USP15: variants seen among roughly 807,000 people sequenced by gnomAD.
USP15 encodes ubiquitin specific peptidase 15, also known as ubiquitin carboxyl-terminal hydrolase 15.
A neutral mutation model predicts 127.1 loss-of-function variants in USP15; 18 were observed. The ratio of observed to expected loss-of-function variants is 0.14; its 90% CI spans 0.10 to 0.21. The LOEUF is 0.21. Among genes scored for constraint, USP15 ranks in the 10% least tolerant of loss-of-function variants. The probability of loss-of-function intolerance (pLI) is 1.00; values close to 1 mark genes in which losing one functional copy is unlikely to be tolerated. For synonymous variants in USP15, 364 were observed against 393.7 expected (o/e 0.92, Z 0.89); for missense variants, 805 against 1,159.9 (o/e 0.69, Z 4.44).
rs138352559 is a variant in USP15, at chr12:62,283,039, A to G, written c.90-11140A>G. Among the ~76,000 whole-genome samples the G allele has an allele frequency of 1.7e-3, 252 of 152,342 alleles. 1 individual carries two copies. Among genetic ancestry groups the G allele is most frequent in the African/African-American group, 5.9e-3 (246 of 41,592 alleles). On this transcript the variant is annotated intron_variant, in intron 1 of 21. Transcript: ENST00000280377. The stretch of plus-strand genomic sequence containing the variant: ...TAAGAAAACTAACGGGAAATTTTGC[A>G]TTTCCATTTTAAAGGGAAAAATCAG...
intron 1 of USP15, among the ~76,000 whole-genome samples, chr12:62,263,166 A>G (rs1385111409): frequency 1.3e-5 from 2 of 152,178 alleles, no homozygotes; most frequent in Non-Finnish European, 2.9e-5. Flanking sequence ...AACTCACTAG[A>G]AAGTTGTTTT....
At chr12:62,286,018 A>G (rs2063774407) in intron 1 of USP15, among the ~76,000 whole-genome samples, 1 of 152,080 alleles carries the variant, frequency 6.6e-6, no homozygotes, top group South Asian at 2.1e-4. Flanking sequence ...ACTTGTATTT[A>G]TCTGATAATT....
chr12:62,322,644 A>G (rs905979006), intron 5 of USP15, among the ~76,000 whole-genome samples: 1 of 152,114 alleles, frequency 6.6e-6, no homozygotes, highest in African/African-American at 2.4e-5. Flanking sequence ...TTATTAGCAG[A>G]TAACCATAGG....
At chr12:62,370,592 A>C (rs765165576) in intron 8 of USP15, among the ~76,000 whole-genome samples, 7 of 152,218 alleles carry the variant, frequency 4.6e-5, no homozygotes, top group Non-Finnish European at 8.8e-5. Context: ...ACATATAAAA[A>C]TATCAAATAC....
intron 7 of USP15, among the ~76,000 whole-genome samples, chr12:62,352,494 T>C (rs2065992963): frequency 6.6e-6 from 1 of 152,032 alleles, no homozygotes; most frequent in Admixed American, 6.6e-5. Context: ...ATACTGCCTT[T>C]TAAAAATATT....
At chr12:62,334,692 G>T (rs1052008257) in intron 6 of USP15, among the ~76,000 whole-genome samples, 1 of 152,150 alleles carries the variant, frequency 6.6e-6, no homozygotes. Context: ...GTTTTATGAT[G>T]TTAGGTTGTA....
intron 8 of USP15, among the ~76,000 whole-genome samples, chr12:62,367,336 A>G (rs893947774): frequency 6.6e-6 from 1 of 151,888 alleles, no homozygotes; most frequent in Admixed American, 6.6e-5. Flanking sequence ...GGTTCATGCC[A>G]TTCTCCTGCC....
At chr12:62,401,114 G>A in intron 20 of USP15, 73 bp from the exon 21 acceptor site, 2 of 939,376 alleles carry the variant, frequency 2.1e-6, no homozygotes, top group South Asian at 2.9e-5. Context: ...TTATATAGAT[G>A]ATTATAGAGT....
intron 8 of USP15, among the ~76,000 whole-genome samples, chr12:62,377,237 A>G (rs1390605272): frequency 2.6e-5 from 4 of 152,298 alleles, no homozygotes; most frequent in Admixed American, 1.3e-4. Flanking sequence ...TAAATGTACA[A>G]TAAATTATTG....
At chr12:62,345,227 T>C (rs12311259) in intron 6 of USP15, among the ~76,000 whole-genome samples, 10 of 152,026 alleles carry the variant, frequency 6.6e-5, no homozygotes, top group Non-Finnish European at 1.2e-4. Flanking sequence ...TGCTTAGATT[T>C]CTTCTGCCAA....
chr12:62,266,362 A>G (rs1441482004), intron 1 of USP15, among the ~76,000 whole-genome samples: 2 of 152,172 alleles, frequency 1.3e-5, no homozygotes, highest in South Asian at 2.1e-4. Flanking sequence ...ACTTAAATCC[A>G]TATGAACCAC....
intron 2 of USP15, among the ~76,000 whole-genome samples, chr12:62,301,849 G>A (rs2064331417): frequency 6.6e-6 from 1 of 152,076 alleles, no homozygotes; most frequent in South Asian, 2.1e-4. Flanking sequence ...TGTTAATTAA[G>A]ACTAACTTAG....
At chr12:62,274,501 CCGGGTG>C (rs2063429067) in intron 1 of USP15, among the ~76,000 whole-genome samples, 1 of 150,970 alleles carries the variant, frequency 6.6e-6, no homozygotes, top group Non-Finnish European at 1.5e-5. Context: ...TAAAAATTAA[CCGGGTG>C]TGGTGGTGCT....
chr12:62,311,212 A>G (rs1250818089), intron 3 of USP15, among the ~76,000 whole-genome samples: 2 of 151,938 alleles, frequency 1.3e-5, no homozygotes, highest in Admixed American at 6.6e-5. Flanking sequence ...TTACAGGTCA[A>G]AATACTTAGG....
At chr12:62,261,979 C>T (rs982647168) in intron 1 of USP15, among the ~76,000 whole-genome samples, 1 of 152,228 alleles carries the variant, frequency 6.6e-6, no homozygotes, top group Non-Finnish European at 1.5e-5. Flanking sequence ...GTGGTTCACG[C>T]CTGTAACCCA....
intron 21 of USP15, among the ~76,000 whole-genome samples, chr12:62,401,919 C>CATATAT (rs3085019): frequency 5.5e-4 from 80 of 145,868 alleles, no homozygotes; most frequent in African/African-American, 1.4e-3. Context: ...TGTATATATA[C>CATATAT]ATATATATAT....
chr12:62,396,565 T>C (rs1159085017), intron 20 of USP15, among the ~76,000 whole-genome samples, 167 bp downstream of exon 20: 1 of 152,154 alleles, frequency 6.6e-6, no homozygotes, highest in Non-Finnish European at 1.5e-5. Context: ...CTTTTTTTTT[T>C]CACATAGGGT....
chr12:62,299,345 A>C (rs1365822306), intron 2 of USP15, among the ~76,000 whole-genome samples: 1 of 152,152 alleles, frequency 6.6e-6, no homozygotes, highest in East Asian at 1.9e-4. Flanking sequence ...TCCTGACCTC[A>C]GGTGATCCAT....
Position 62,416,076 on chromosome 12 carries a change from C to T in USP15, c.*11701C>T, listed in dbSNP as rs979864081. The T allele has an allele frequency of 6.6e-6, 1 of 152,212 alleles. No homozygotes were observed. Among genetic ancestry groups the T allele is most frequent in the African/African-American group, 2.4e-5 (1 of 41,446 alleles). The allele number at this position is 152,212 out of a possible 1,614,324, so 9.4% of individuals were successfully genotyped here. A position where few individuals can be genotyped will look rare whatever the true frequency, so the allele number is the denominator to read the frequency against. The stretch of plus-strand genomic sequence containing the variant: ...AGGAAAAAAAGTAAGAATTTGCCCT[C>T]ATCTAATTCCTCACTTGCCCTCAAA... On this transcript the variant is annotated 3_prime_UTR_variant, in exon 22 of 22. Coordinates refer to ENST00000280377, the MANE Select transcript of USP15 (RefSeq NM_001252078.2).
Sources: allele counts gnomAD v4.1 joint callset (sites outside exome capture counted in the v4.1 genomes callset), GRCh38; gene constraint gnomAD v4.1.1; transcripts MANE v1.5; gene names NCBI Gene and HGNC (gene_info 2026-07-23, HGNC 2026-07-21).